The following SHISA9 variants were observed in gnomAD, a reference collection of about 807,000 sequenced individuals.
SHISA9 encodes the protein protein shisa-9.
Under a neutral mutation model 38.0 loss-of-function variants are expected in SHISA9, and 13 were observed. That is an observed-to-expected ratio of 0.34 (90% CI 0.22 to 0.54). The LOEUF is 0.54. Among genes scored for constraint, SHISA9 ranks in the 20% least tolerant of loss-of-function variants. The pLI is 0.91. For missense variants in SHISA9, 538 were observed against 575.8 expected (o/e 0.93, Z 0.67); for synonymous variants, 275 against 242.0 (o/e 1.14, Z -1.27).
chr16:13,403,111 C>CACA, the SHISA9 span, among the ~76,000 whole-genome samples: 2 of 145,136 alleles, frequency 1.4e-5, no homozygotes, highest in East Asian at 4.1e-4. Context: ...CTCAAAAACA[C>CACA]AAAAAAAAAA....
intron 2 of SHISA9, among the ~76,000 whole-genome samples, chr16:12,919,396 A>G (rs1002896038): frequency 6.6e-6 from 1 of 152,222 alleles, no homozygotes; most frequent in African/African-American, 2.4e-5. Context: ...TCTTCACTGA[A>G]CATCCAAGTT....
At chr16:13,463,665 A>T in the SHISA9 span, among the ~76,000 whole-genome samples, 2 of 152,220 alleles carry the variant, frequency 1.3e-5, no homozygotes, top group Non-Finnish European at 2.9e-5. Flanking sequence ...CTTCCTTAGC[A>T]GATTCTTTAT....
At chr16:13,200,445 A>ACACACACACACACAC (rs1444256867) in intron 2 of SHISA9, among the ~76,000 whole-genome samples, 115 of 100,840 alleles carry the variant, frequency 1.1e-3, no homozygotes, top group Non-Finnish European at 1.9e-3. Context: ...CACACACAGC[A>ACACACACACACACAC]GCAGCAGCAG....
chr16:12,954,575 G>C (rs188651946), intron 2 of SHISA9, among the ~76,000 whole-genome samples: 4 of 152,164 alleles, frequency 2.6e-5, no homozygotes, highest in Admixed American at 1.3e-4. Context: ...TTTTTCCTTG[G>C]TTCTTAGACA....
the SHISA9 span, among the ~76,000 whole-genome samples, chr16:13,305,488 T>C: frequency 6.6e-6 from 1 of 152,200 alleles, no homozygotes; most frequent in African/African-American, 2.4e-5. Context: ...ACAAGGACTC[T>C]GGTTTCTATC....
At chr16:12,988,545 G>C (rs2072342867) in intron 2 of SHISA9, among the ~76,000 whole-genome samples, 1 of 152,084 alleles carries the variant, frequency 6.6e-6, no homozygotes, top group Non-Finnish European at 1.5e-5. Flanking sequence ...TTGTTTTTGA[G>C]ACAGCCTCTC....
the SHISA9 span, among the ~76,000 whole-genome samples, chr16:13,469,819 T>G: frequency 7.0e-6 from 1 of 143,426 alleles, no homozygotes; most frequent in Non-Finnish European, 1.5e-5. Flanking sequence ...TGGGTTGAAT[T>G]TCACCATTAA....
chr16:13,090,030 T>C (rs1040211118), intron 2 of SHISA9, among the ~76,000 whole-genome samples: 1 of 152,226 alleles, frequency 6.6e-6, no homozygotes, highest in African/African-American at 2.4e-5. Flanking sequence ...TCAAAGAACA[T>C]CTTTATTTCT....
rs11442270 is a variant in SHISA9, at chr16:13,073,957, G to GTT, written c.692-129427_692-129426dup. 2.6e-3 allele frequency among the ~76,000 whole-genome samples: 274 copies of GTT among 103,832 alleles called. 3 individuals carry two copies. The East Asian group carries it at 0.054, about 20-fold the overall frequency. 68.1% of individuals were successfully genotyped at this position (103,832 alleles called of 152,430 possible). A position where few individuals can be genotyped will look rare whatever the true frequency, so the allele number is the denominator to read the frequency against. ...CCGTGAGAATAAATTTCTGCTGGTC[G>GTT]TTTTTTTTTTTGTTTTTTTTTTTTG... On this transcript the variant is annotated intron_variant, in intron 2 of 4. Coordinates refer to ENST00000558583, the MANE Select transcript of SHISA9 (RefSeq NM_001145204.3).
At chr16:13,010,660 A>G (rs982443970) in intron 2 of SHISA9, among the ~76,000 whole-genome samples, 3 of 152,128 alleles carry the variant, frequency 2.0e-5, no homozygotes, top group Admixed American at 6.5e-5. Context: ...GAAAAATGCT[A>G]GTTGAATAAT....
At chr16:13,547,178 G>A in the SHISA9 span, among the ~76,000 whole-genome samples, 1 of 152,052 alleles carries the variant, frequency 6.6e-6, no homozygotes, top group African/African-American at 2.4e-5. Context: ...TCTACTATGT[G>A]CTCAGTAATT....
the SHISA9 span, among the ~76,000 whole-genome samples, chr16:13,545,594 G>GTC: frequency 3.3e-5 from 5 of 152,152 alleles, no homozygotes; most frequent in Non-Finnish European, 5.9e-5. Flanking sequence ...TCTGCTTGAG[G>GTC]TCTTGCTGCT....
intron 4 of SHISA9, among the ~76,000 whole-genome samples, chr16:13,225,604 C>T (rs1341768114): frequency 2.0e-5 from 3 of 152,238 alleles, no homozygotes; most frequent in African/African-American, 7.2e-5. Flanking sequence ...TCACCTGTGA[C>T]CCAGGAATAT....
chr16:13,188,098 G>A (rs886367748), intron 2 of SHISA9, among the ~76,000 whole-genome samples: 1 of 152,082 alleles, frequency 6.6e-6, no homozygotes, highest in South Asian at 2.1e-4. Context: ...CTTTCCTTTT[G>A]TGTGGTCATT....
chr16:13,019,660 A>G lies in SHISA9; in HGVS notation c.691+102845A>G, dbSNP rs1046656841. Among the ~76,000 whole-genome samples, 6 of 152,078 alleles carry G rather than the reference A, an allele frequency of 3.9e-5. No homozygotes were observed. In the South Asian group the frequency reaches 6.2e-4, roughly 16 times the overall value. The stretch of plus-strand genomic sequence containing the variant: ...GGGTACAAGTGCAGGTTTGGTACAT[A>G]GGTAAACTTGTGTCACTGGGGTTTG... On this transcript the variant is annotated intron_variant, in intron 2 of 4. Transcript: ENST00000558583.
chr16:13,047,327 T>TAA (rs201507757), intron 2 of SHISA9, among the ~76,000 whole-genome samples: 2 of 143,774 alleles, frequency 1.4e-5, no homozygotes, highest in Middle Eastern at 3.3e-3. Flanking sequence ...ATCAGACCAT[T>TAA]AAAAAAAAAA....
the SHISA9 span, among the ~76,000 whole-genome samples, chr16:13,285,462 G>GTTTTTTTTTTTTTTTTTT: frequency 3.1e-5 from 3 of 95,788 alleles, no homozygotes; most frequent in African/African-American, 1.3e-4. Context: ...TTCAGGTGTA[G>GTTTTTTTTTTTTTTTTTT]TTTTTTTTTT....
downstream of SHISA9, among the ~76,000 whole-genome samples, chr16:13,244,194 T>C (rs923851801): frequency 6.6e-6 from 1 of 152,168 alleles, no homozygotes; most frequent in Non-Finnish European, 1.5e-5. Flanking sequence ...ATGCATAAAA[T>C]AAAATACATA....
intron 2 of SHISA9, among the ~76,000 whole-genome samples, chr16:12,939,232 C>T (rs275396): frequency 0.41 from 61,974 of 151,864 alleles, 12,966 homozygotes; most frequent in African/African-American, 0.49. Flanking sequence ...CACAGGTGCT[C>T]ACCACCACGC....
Sources: gnomAD v4.1 joint callset for allele counts (sites outside exome capture counted in the v4.1 genomes callset) on GRCh38, gnomAD v4.1.1 for gene constraint, MANE v1.5 for transcripts, NCBI Gene and HGNC (gene_info 2026-07-23, HGNC 2026-07-21) for gene names.